MAPK10: variants seen among roughly 807,000 people sequenced by gnomAD.
The protein encoded by MAPK10 is JNK3 alpha protein kinase.
MAPK10 carries 25 observed loss-of-function variants against 59.3 expected under a neutral mutation model. That is an observed-to-expected ratio of 0.42 (90% CI 0.31 to 0.59). The LOEUF (loss-of-function observed/expected upper bound fraction) is 0.59. Among genes scored for constraint, MAPK10 ranks in the 20% least tolerant of loss-of-function variants. The probability of loss-of-function intolerance (pLI) is 0.15; values close to 1 mark genes in which losing one functional copy is unlikely to be tolerated. For missense variants in MAPK10, 351 were observed against 568.9 expected (o/e 0.62, Z 3.90); for synonymous variants, 190 against 200.5 (o/e 0.95, Z 0.44).
At chr4:86,396,640 A>G (rs1359569788) in intron 1 of MAPK10, among the ~76,000 whole-genome samples, 1 of 152,240 alleles carries the variant, frequency 6.6e-6, no homozygotes, top group Admixed American at 6.5e-5. Flanking sequence ...GTACAGAAAC[A>G]TGGCGCCAGC....
At chr4:86,146,522 A>G (rs899268939) in intron 4 of MAPK10, among the ~76,000 whole-genome samples, 1 of 152,124 alleles carries the variant, frequency 6.6e-6, no homozygotes, top group Admixed American at 6.5e-5. Context: ...CTGTGCAGTT[A>G]GGTTATAGCC....
At chr4:86,183,636 A>G (rs1382886940) in intron 3 of MAPK10, among the ~76,000 whole-genome samples, 1 of 152,164 alleles carries the variant, frequency 6.6e-6, no homozygotes, top group Non-Finnish European at 1.5e-5. Flanking sequence ...ATGATTTGTA[A>G]TCCTTTGGGT....
intron 1 of MAPK10, among the ~76,000 whole-genome samples, chr4:86,442,466 G>A (rs982589399): frequency 1.3e-5 from 2 of 152,106 alleles, no homozygotes; most frequent in South Asian, 2.1e-4. Context: ...GTACTTTGTT[G>A]TATCTGCTTT....
intron 1 of MAPK10, among the ~76,000 whole-genome samples, chr4:86,518,671 T>G (rs1756894147): frequency 1.3e-5 from 2 of 151,958 alleles, no homozygotes; most frequent in African/African-American, 4.8e-5. Flanking sequence ...GTTTGGTTTG[T>G]TCTTGTTTCT....
chr4:86,498,783 A>G (rs1393186660), intron 1 of MAPK10, among the ~76,000 whole-genome samples: 5 of 152,212 alleles, frequency 3.3e-5, no homozygotes, highest in Non-Finnish European at 7.3e-5. Context: ...TAATCGCCAA[A>G]CATCATTTAT....
intron 1 of MAPK10, among the ~76,000 whole-genome samples, chr4:86,475,105 C>A (rs563224077): frequency 6.6e-6 from 1 of 152,264 alleles, no homozygotes; most frequent in East Asian, 1.9e-4. Flanking sequence ...AAAACGGCCC[C>A]ACTCCATCTC....
intron 1 of MAPK10, chr4:86,384,204 G>A (rs745435781): frequency 3.9e-5 from 6 of 152,296 alleles, no homozygotes; most frequent in Non-Finnish European, 8.8e-5. Flanking sequence ...AGTGCCATCT[G>A]TGTGCCAGGT....
intron 3 of MAPK10, among the ~76,000 whole-genome samples, chr4:86,168,540 A>G (rs2149251796): frequency 6.6e-6 from 1 of 152,356 alleles, no homozygotes; most frequent in Middle Eastern, 3.4e-3. Flanking sequence ...GGCTTGCTTA[A>G]GTAAACAAAG....
intron 4 of MAPK10, among the ~76,000 whole-genome samples, chr4:86,130,286 A>T (rs997560254): frequency 2.0e-5 from 3 of 152,134 alleles, no homozygotes; most frequent in African/African-American, 7.2e-5. Flanking sequence ...AATATAAAAA[A>T]CTTCATATGA....
chr4:86,021,677 C>T (rs928595673), intron 13 of MAPK10, among the ~76,000 whole-genome samples: 2 of 152,226 alleles, frequency 1.3e-5, no homozygotes, highest in Non-Finnish European at 2.9e-5. Flanking sequence ...GTCGGGGAGG[C>T]TCGGGCTGCA....
intron 1 of MAPK10, among the ~76,000 whole-genome samples, chr4:86,430,925 T>C (rs1000132516): frequency 3.2e-4 from 48 of 152,272 alleles, no homozygotes; most frequent in African/African-American, 9.1e-4. Flanking sequence ...AATATTCGTA[T>C]GCTTTTCAAA....
intron 1 of MAPK10, among the ~76,000 whole-genome samples, chr4:86,528,380 G>C (rs1206221965): frequency 6.6e-6 from 1 of 151,768 alleles, no homozygotes; most frequent in African/African-American, 2.4e-5. Context: ...ATAGTTGAGG[G>C]AGAGGACCAG....
chr4:86,121,817 A>T (rs979535322), intron 4 of MAPK10, among the ~76,000 whole-genome samples: 1 of 152,048 alleles, frequency 6.6e-6, no homozygotes, highest in African/African-American at 2.4e-5. Flanking sequence ...TCTTGAACTT[A>T]TTTCTCCTGT....
chr4:86,438,207 C>G (rs1748991322), intron 1 of MAPK10, among the ~76,000 whole-genome samples: 1 of 151,970 alleles, frequency 6.6e-6, no homozygotes. Context: ...CAGCCATGTG[C>G]TTACATTTAG....
At chr4:86,486,071 G>A (rs1753968944) in intron 1 of MAPK10, among the ~76,000 whole-genome samples, 1 of 152,154 alleles carries the variant, frequency 6.6e-6, no homozygotes, top group Admixed American at 6.5e-5. Context: ...TGATGTAGGA[G>A]AGGGGAAAAC....
chr4:86,196,990 G>A (rs2081459762), intron 2 of MAPK10, among the ~76,000 whole-genome samples: 1 of 152,142 alleles, frequency 6.6e-6, no homozygotes, highest in Non-Finnish European at 1.5e-5. Flanking sequence ...AAATCATGTA[G>A]CATGATGCCT....
At chr4:86,304,553 C>T (rs541755001) in intron 2 of MAPK10, among the ~76,000 whole-genome samples, 5 of 151,472 alleles carry the variant, frequency 3.3e-5, no homozygotes, top group African/African-American at 9.7e-5. Context: ...CCACCGCGCC[C>T]GGCTAATTTT....
At chr4:86,559,106 G>A (rs1760481537) in intron 1 of MAPK10, among the ~76,000 whole-genome samples, 1 of 151,760 alleles carries the variant, frequency 6.6e-6, no homozygotes, top group African/African-American at 2.4e-5. Flanking sequence ...TTCCATTGGA[G>A]TTCAATGGCA....
Position 86,232,669 on chromosome 4 carries a change from G to A in MAPK10, c.-6-38262C>T, listed in dbSNP as rs531429887. Among the ~76,000 whole-genome samples, 22 of 152,180 alleles carry A rather than the reference G, an allele frequency of 1.4e-4. No individual in the cohort carries two copies. The South Asian group carries it at 3.3e-3, about 23-fold the overall frequency. On this transcript the variant is annotated intron_variant, in intron 2 of 13. Transcript: ENST00000641462. ...ATTACAGGCGTGAGCCACCACGCCC[G>A]GCCTAGAGTCAATTTTTTCTGTATG...
Sources: allele counts gnomAD v4.1 joint callset (sites outside exome capture counted in the v4.1 genomes callset), GRCh38; gene constraint gnomAD v4.1.1; transcripts MANE v1.5; gene names NCBI Gene and HGNC (gene_info 2026-07-23, HGNC 2026-07-21).